Variants in TOGARAM1 observed in about 807,000 individuals in gnomAD.
The protein encoded by TOGARAM1 is TOG array regulator of axonemal microtubules 1.
TOGARAM1 carries 100 observed loss-of-function variants against 166.6 expected under a neutral mutation model. That is an observed-to-expected ratio of 0.60 (90% CI 0.51 to 0.71). The LOEUF (loss-of-function observed/expected upper bound fraction) is 0.71, where lower values mean the gene tolerates loss of function less well. TOGARAM1 is among the 30% of genes least tolerant of loss of function. The probability of loss-of-function intolerance (pLI) is 0.00; values close to 1 mark genes in which losing one functional copy is unlikely to be tolerated. For synonymous variants in TOGARAM1, 758 were observed against 763.8 expected (o/e 0.99, Z 0.13); for missense variants, 2,029 against 2,102.7 (o/e 0.96, Z 0.69).
intron 16 of TOGARAM1, among the ~76,000 whole-genome samples, chr14:45,056,922 A>G (rs1882667061): frequency 6.6e-6 from 1 of 152,182 alleles, no homozygotes; most frequent in South Asian, 2.1e-4. Context: ...AAGTTTCAGG[A>G]TGATTGGTAT....
chr14:45,046,781 G>C, intron 14 of TOGARAM1, 78 bp downstream of exon 14: 2 of 1,160,110 alleles, frequency 1.7e-6, no homozygotes, highest in Non-Finnish European at 2.2e-6. Context: ...GTTTAAAGAA[G>C]AATGAACATT....
At chr14:45,067,135 A>C (rs1883174755) in intron 17 of TOGARAM1, among the ~76,000 whole-genome samples, 1 of 152,196 alleles carries the variant, frequency 6.6e-6, no homozygotes, top group South Asian at 2.1e-4. Context: ...GCTTAGTGAA[A>C]AGAATGGATT....
At chr14:45,050,846 C>T (rs987699286) in intron 14 of TOGARAM1, among the ~76,000 whole-genome samples, 3 of 152,066 alleles carry the variant, frequency 2.0e-5, no homozygotes, top group African/African-American at 7.2e-5. Flanking sequence ...AACTCCTGGC[C>T]TCAGGTGATC....
chr14:44,984,174 G>A (rs1752555667), intron 1 of TOGARAM1, among the ~76,000 whole-genome samples: 1 of 152,060 alleles, frequency 6.6e-6, no homozygotes, highest in Non-Finnish European at 1.5e-5. Context: ...TGTTTATTAA[G>A]AGTAACAGTA....
intron 10 of TOGARAM1, among the ~76,000 whole-genome samples, chr14:45,031,726 T>A (rs1460781671): frequency 6.6e-6 from 1 of 152,178 alleles, no homozygotes; most frequent in African/African-American, 2.4e-5. Flanking sequence ...TTTCAATAGT[T>A]TTGCATATAA....
At chr14:45,001,507 G>A (rs990654213) in intron 3 of TOGARAM1, among the ~76,000 whole-genome samples, 4 of 152,170 alleles carry the variant, frequency 2.6e-5, no homozygotes, top group Non-Finnish European at 4.4e-5. Flanking sequence ...CGATTCCACT[G>A]TTGAGGGATC....
At chr14:44,973,434 CAT>C (rs1886003968) in intron 1 of TOGARAM1, among the ~76,000 whole-genome samples, 1 of 151,946 alleles carries the variant, frequency 6.6e-6, no homozygotes, top group African/African-American at 2.4e-5. Flanking sequence ...TTCATTTATA[CAT>C]AAACACACAG....
chr14:44,968,438 C>T (rs1412178070), intron 1 of TOGARAM1, among the ~76,000 whole-genome samples: 1 of 152,056 alleles, frequency 6.6e-6, no homozygotes, highest in African/African-American at 2.4e-5. Flanking sequence ...TTAGTAGAGA[C>T]GGGGTTTCAC....
In TOGARAM1 at chr14:44,964,017, A is replaced by G; in HGVS notation, c.1596A>G (p.Glu532=). 3.7e-6 allele frequency: 6 copies of G among 1,614,188 alleles called. No homozygotes were observed. Among genetic ancestry groups the G allele is most frequent in the Non-Finnish European group, 4.2e-6 (5 of 1,180,034 alleles). ...SKRRVRQAAL[E]AFAVLASSMG... is the part of the protein sequence containing the mutation. ...GCAGGGTACGCCAAGCAGCTTTAGA[A>G]GCTTTTGCCGTATTGGCATCATCAA... Residue 532 remains glutamate (E), a synonymous_variant, in exon 1 of 20, where the codon GAA becomes GAG. Coordinates refer to ENST00000361462, the MANE Select transcript of TOGARAM1 (RefSeq NM_001308120.2).
intron 11 of TOGARAM1, among the ~76,000 whole-genome samples, chr14:45,038,029 A>C (rs953593049): frequency 6.6e-6 from 1 of 152,158 alleles, no homozygotes; most frequent in Admixed American, 6.5e-5. Flanking sequence ...AAAAAAAAGA[A>C]AAAAGAAAAA....
In TOGARAM1 at chr14:45,019,434, AC is replaced by A. The variant is rs536534652; in HGVS notation, c.3239-6347del. Among the ~76,000 whole-genome samples the A allele has an allele frequency of 1.1e-3, 170 of 151,408 alleles. 2 individuals carry two copies. The South Asian group carries it at 0.035, about 31-fold the overall frequency. ...ACCTTGATTGACACATAAAACTAACACCTGGAAAAAAAAAACAAAAACCTTG... is the reference window on the plus strand; with the variant it reads ...ACCTTGATTGACACATAAAACTAACACTGGAAAAAAAAAACAAAAACCTTG... On this transcript the variant is annotated intron_variant, in intron 7 of 19. Coordinates refer to ENST00000361462, the MANE Select transcript of TOGARAM1 (RefSeq NM_001308120.2).
At chr14:45,055,075 G>A (rs868513737) in intron 16 of TOGARAM1, among the ~76,000 whole-genome samples, 13 of 152,130 alleles carry the variant, frequency 8.5e-5, no homozygotes, top group South Asian at 4.1e-4. Context: ...AAAATTAGCC[G>A]GGCCTGGTGG....
chr14:45,045,359 A>G (rs959326236), intron 13 of TOGARAM1, among the ~76,000 whole-genome samples: 3 of 150,754 alleles, frequency 2.0e-5, no homozygotes, highest in Non-Finnish European at 3.0e-5. Context: ...AAAGTTCATT[A>G]TATATATCAC....
chr14:45,026,491 T>G (rs1863525423), intron 8 of TOGARAM1, among the ~76,000 whole-genome samples: 1 of 152,176 alleles, frequency 6.6e-6, no homozygotes, highest in African/African-American at 2.4e-5. Flanking sequence ...CTCCTCAGAT[T>G]GGCTACAGCT....
intron 13 of TOGARAM1, among the ~76,000 whole-genome samples, chr14:45,045,569 ATATATATATATATATGTGTGTG>A (rs1307042587): frequency 4.8e-4 from 19 of 39,440 alleles, no homozygotes; most frequent in South Asian, 3.0e-3. Flanking sequence ...ATATATATAT[ATATATATATATATATGTGTGTG>A]TGTGTGTGTG....
intron 1 of TOGARAM1, among the ~76,000 whole-genome samples, chr14:44,967,204 T>A (rs910504436): frequency 4.6e-5 from 7 of 152,216 alleles, no homozygotes; most frequent in African/African-American, 7.2e-5. Context: ...TGTTTTTTAA[T>A]GCATTTATAT....
intron 3 of TOGARAM1, among the ~76,000 whole-genome samples, chr14:45,001,989 AT>A (rs1887709345): frequency 6.6e-6 from 1 of 152,130 alleles, no homozygotes; most frequent in Non-Finnish European, 1.5e-5. Context: ...TTCTTTAGGT[AT>A]TTTAAATTTT....
intron 1 of TOGARAM1, among the ~76,000 whole-genome samples, chr14:44,977,553 T>C (rs1489405643): frequency 1.3e-5 from 2 of 152,036 alleles, no homozygotes; most frequent in Admixed American, 1.3e-4. Flanking sequence ...ACTTTTTAAA[T>C]AGAAAAATTC....
rs1404979678 is a variant in TOGARAM1 at position 45,006,266 on chromosome 14, A to T, written c.2903A>T (p.Glu968Val). The T allele has an allele frequency of 6.3e-7, 1 of 1,582,722 alleles. No individual in the cohort carries two copies. Among genetic ancestry groups the T allele is most frequent in the Non-Finnish European group, 8.6e-7 (1 of 1,162,644 alleles). ...NFKDKDLDQEEMHSSLRSLRN... is the reference protein window; with the variant it reads ...NFKDKDLDQEVMHSSLRSLRN... ...AAGGATAAAGATTTGGATCAAGAAG[A>T]GGTTAGAACCAAATATTTTTAATGA... Residue 968 changes from glutamate to valine, a missense_variant and splice_region_variant, in exon 5 of 20, where the codon GAG becomes GTG. This residue lies in a region of TOGARAM1 where 1,453 missense variants were observed against 1,432.2 expected (regional missense o/e 1.01). Coordinates refer to ENST00000361462, the MANE Select transcript of TOGARAM1 (RefSeq NM_001308120.2).
Sources: gnomAD v4.1 joint callset for allele counts (sites outside exome capture counted in the v4.1 genomes callset) on GRCh38, gnomAD v4.1.1 for gene constraint, gnomAD v4.1.1 regional missense constraint, MANE v1.5 for transcripts, NCBI Gene and HGNC (gene_info 2026-07-23, HGNC 2026-07-21) for gene names.